Variants in PDE10A observed in about 807,000 individuals in gnomAD.
The protein encoded by PDE10A is cAMP and cAMP-inhibited cGMP 3',5'-cyclic phosphodiesterase 10A.
A neutral mutation model predicts 97.7 loss-of-function variants in PDE10A; 39 were observed. The observed-to-expected ratio is 0.40, with a 90% CI of 0.31 to 0.52. PDE10A has a LOEUF of 0.52. Ranked by LOEUF, PDE10A falls within the 20% of genes least tolerant of loss-of-function variation. The probability of loss-of-function intolerance (pLI) is 0.56; values close to 1 mark genes in which losing one functional copy is unlikely to be tolerated. For missense variants in PDE10A, 731 were observed against 1,047.8 expected, an observed-to-expected ratio of 0.70 and a Z score of 4.17; for synonymous variants, 371 against 376.8, an observed-to-expected ratio of 0.98 and a Z score of 0.18.
intron 1 of PDE10A, among the ~76,000 whole-genome samples, chr6:165,723,895 C>T (rs537369432): frequency 2.0e-5 from 3 of 150,440 alleles, no homozygotes; most frequent in South Asian, 2.1e-4. Context: ...AAATTTTATT[C>T]GGATAATAAA....
chr6:165,779,673 C>T (rs972128722), intron 1 of PDE10A, among the ~76,000 whole-genome samples: 2 of 152,202 alleles, frequency 1.3e-5, no homozygotes, highest in Admixed American at 1.3e-4. Context: ...GAATTTTCTG[C>T]ACACATTCTT....
intron 1 of PDE10A, among the ~76,000 whole-genome samples, chr6:165,658,729 G>C (rs1055464704): frequency 6.6e-6 from 1 of 152,244 alleles, no homozygotes; most frequent in Admixed American, 6.5e-5. Flanking sequence ...CTAGGCACAA[G>C]AGTTTTTCCT....
In PDE10A at chr6:165,852,678, G is replaced by A. The variant is rs145198767; in HGVS notation, c.-615+134851C>T. On this transcript the variant is annotated intron_variant, in intron 1 of 19. Transcript: ENST00000366882. ...TTCCTGTTTTGTCATGGAGAGGGATGGTGAGACGGCCTTGGTGGCATTACT... is the reference window on the plus strand; with the variant it reads ...TTCCTGTTTTGTCATGGAGAGGGATAGTGAGACGGCCTTGGTGGCATTACT... Among the ~76,000 whole-genome samples, 252 of 152,318 alleles carry A rather than the reference G, an allele frequency of 1.7e-3. 2 individuals carry two copies. Among genetic ancestry groups the A allele is most frequent in the Admixed American group, 3.9e-3 (59 of 15,308 alleles).
intron 1 of PDE10A, chr6:165,911,027 A>T: frequency 6.6e-6 from 1 of 152,208 alleles, no homozygotes; most frequent in East Asian, 1.9e-4. Flanking sequence ...AAACAAACAA[A>T]CAAACAAAAA....
intron 16 of PDE10A, among the ~76,000 whole-genome samples, chr6:165,392,143 A>G (rs1785766601): frequency 6.6e-6 from 1 of 152,284 alleles, no homozygotes; most frequent in Non-Finnish European, 1.5e-5. Context: ...TCCAATTCTA[A>G]CTCTGAGATT....
intron 18 of PDE10A, among the ~76,000 whole-genome samples, chr6:165,363,904 A>G (rs1783595640): frequency 6.6e-6 from 1 of 152,224 alleles, no homozygotes; most frequent in Non-Finnish European, 1.5e-5. Flanking sequence ...AGCATCTCAT[A>G]TTCACAGACT....
At chr6:165,843,039 C>T (rs574583542) in intron 1 of PDE10A, among the ~76,000 whole-genome samples, 1 of 152,296 alleles carries the variant, frequency 6.6e-6, no homozygotes, top group Admixed American at 6.5e-5. Flanking sequence ...TGAAGAAGGC[C>T]GTAGCACAAA....
intron 1 of PDE10A, among the ~76,000 whole-genome samples, chr6:165,575,021 T>C (rs1785232293): frequency 6.6e-6 from 1 of 152,218 alleles, no homozygotes; most frequent in South Asian, 2.1e-4. Context: ...CTTCCTTTCA[T>C]AACTTTTGAG....
At chr6:165,651,034 C>G (rs1789662722) in intron 1 of PDE10A, among the ~76,000 whole-genome samples, 1 of 152,210 alleles carries the variant, frequency 6.6e-6, no homozygotes, top group African/African-American at 2.4e-5. Flanking sequence ...CCACGCCCAG[C>G]CAACATGCAT....
chr6:165,751,912 G>C (rs1293867891), intron 1 of PDE10A, among the ~76,000 whole-genome samples: 1 of 152,044 alleles, frequency 6.6e-6, no homozygotes, highest in African/African-American at 2.4e-5. Flanking sequence ...GGCCAAGGCA[G>C]GTGGATCACG....
chr6:165,857,784 C>T (rs1780790316), intron 1 of PDE10A, among the ~76,000 whole-genome samples: 1 of 151,346 alleles, frequency 6.6e-6, no homozygotes, highest in Non-Finnish European at 1.5e-5. Flanking sequence ...TAGGGCAATG[C>T]ATCATGAGGA....
intron 2 of PDE10A, among the ~76,000 whole-genome samples, chr6:165,517,336 G>C (rs1781871617): frequency 6.6e-6 from 1 of 152,108 alleles, no homozygotes; most frequent in Non-Finnish European, 1.5e-5. Flanking sequence ...ATAAGATTTA[G>C]TTTATCATTC....
intron 1 of PDE10A, among the ~76,000 whole-genome samples, chr6:165,599,395 C>T (rs889705187): frequency 6.6e-6 from 1 of 152,196 alleles, no homozygotes; most frequent in Non-Finnish European, 1.5e-5. Flanking sequence ...GTATAGTTTT[C>T]TCTTCTTCAG....
chr6:165,484,273 G>A (rs1161539560), intron 2 of PDE10A, among the ~76,000 whole-genome samples: 2 of 152,206 alleles, frequency 1.3e-5, no homozygotes, highest in Admixed American at 1.3e-4. Context: ...GAGTAGAGTT[G>A]CACTGTGGGA....
intron 1 of PDE10A, among the ~76,000 whole-genome samples, chr6:165,690,692 A>G (rs919246157): frequency 1.3e-5 from 2 of 152,186 alleles, no homozygotes; most frequent in South Asian, 4.1e-4. Flanking sequence ...ATGTGCTGGT[A>G]CTTCTTGCCT....
chr6:165,434,354 C>T (rs1392522131), intron 6 of PDE10A, among the ~76,000 whole-genome samples: 1 of 151,048 alleles, frequency 6.6e-6, no homozygotes, highest in African/African-American at 2.4e-5. Context: ...GTGGAAAAAC[C>T]AAAATTAAAA....
At chr6:165,425,770 CGTGTGT>C (rs57229720) in intron 10 of PDE10A, among the ~76,000 whole-genome samples, 15,085 of 144,096 alleles carry the variant, frequency 0.1, 995 homozygotes, top group Middle Eastern at 0.21. Context: ...AAGGCATGAT[CGTGTGT>C]GTGTGTGTGT....
rs375765109 is a variant in PDE10A at position 165,543,871 on chromosome 6, CGT to C, written c.866-305_866-304del. On this transcript the variant is annotated intron_variant, in intron 1 of 21. Coordinates refer to ENST00000539869, the MANE Select transcript of PDE10A (RefSeq NM_001385079.1). ...AAAAAAACACCATTTTTCATATATA[CGT>C]GTGTGTGTGTGTGTGTGTATGACCA... Among the ~76,000 whole-genome samples, 79 of 149,452 alleles carry C rather than the reference CGT, an allele frequency of 5.3e-4. 1 individual carries two copies. The highest frequency in any genetic ancestry group is 1.1e-3 in the South Asian group (5 of 4,724).
chr6:165,929,426 G>A (rs915612431), intron 1 of PDE10A, among the ~76,000 whole-genome samples: 4 of 152,144 alleles, frequency 2.6e-5, no homozygotes, highest in African/African-American at 4.8e-5. Context: ...TTCTGGACAC[G>A]TTCCATACAT....
Sources: gnomAD v4.1 joint callset for allele counts (sites outside exome capture counted in the v4.1 genomes callset) on GRCh38, gnomAD v4.1.1 for gene constraint, MANE v1.5 for transcripts, NCBI Gene and HGNC (gene_info 2026-07-23, HGNC 2026-07-21) for gene names.